The following TACC2 variants were observed in gnomAD, a reference collection of about 807,000 sequenced individuals.
The protein encoded by TACC2 is transforming acidic coiled-coil containing protein 2.
TACC2 carries 137 observed loss-of-function variants against 227.3 expected under a neutral mutation model. That is an observed-to-expected ratio of 0.60 (90% confidence interval 0.52 to 0.69). The LOEUF (loss-of-function observed/expected upper bound fraction) is 0.69. Ranked by LOEUF, TACC2 falls within the 30% of genes least tolerant of loss-of-function variation. The pLI, the probability that TACC2 is intolerant of heterozygous loss-of-function variation, is 0.00. For synonymous variants in TACC2, 1,523 were observed against 1,487.5 expected (o/e 1.02, Z -0.55); for missense variants, 3,470 against 3,694.4 (o/e 0.94, Z 1.57).
At chr10:122,122,291 C>T (rs1339358980) in intron 5 of TACC2, among the ~76,000 whole-genome samples, 1 of 152,056 alleles carries the variant, frequency 6.6e-6, no homozygotes, top group Admixed American at 6.6e-5. Context: ...GGAGGCGGAG[C>T]TTGCACTGAG....
intron 1 of TACC2, among the ~76,000 whole-genome samples, chr10:121,994,402 T>C (rs1210682858): frequency 6.6e-6 from 1 of 152,194 alleles, no homozygotes; most frequent in East Asian, 1.9e-4. Flanking sequence ...CCCAAATAAA[T>C]GTGTAGTGAG....
chr10:122,078,754 C>T (rs1591762056), intron 3 of TACC2, among the ~76,000 whole-genome samples: 1 of 152,228 alleles, frequency 6.6e-6, no homozygotes, highest in Admixed American at 6.5e-5. Flanking sequence ...GGCAGATCTG[C>T]TCCTGGTGAG....
intron 20 of TACC2, 119 bp from the exon 21 acceptor site, chr10:122,248,930 TG>T: frequency 6.7e-7 from 1 of 1,495,844 alleles, no homozygotes; most frequent in Non-Finnish European, 9.2e-7. Flanking sequence ...CCATGCAGGC[TG>T]GGGAGGCAGA....
chr10:122,203,013 ATT>A (rs2094929509), intron 8 of TACC2, among the ~76,000 whole-genome samples: 1 of 151,730 alleles, frequency 6.6e-6, no homozygotes, highest in Non-Finnish European at 1.5e-5. Flanking sequence ...AGGCAGAAGA[ATT>A]TTTCTTAGTA....
At chr10:122,161,122 G>C (rs1013915457) in intron 7 of TACC2, among the ~76,000 whole-genome samples, 1 of 152,088 alleles carries the variant, frequency 6.6e-6, no homozygotes, top group Non-Finnish European at 1.5e-5. Context: ...TTTTTGTAGA[G>C]ACAAGGTCTC....
At position 122,211,510 on chromosome 10, in the gene TACC2, T is replaced by A; in HGVS notation, c.7085T>A (p.Leu2362Gln). ...STSKMQESPK[L>Q]PQQSYNFDPD... is the part of the protein sequence containing the mutation. ...TCAAAAATGCAGGAGTCTCCCAAAC[T>A]GCCCCAACAATCATACAACTTTGAC... The change falls in exon 9 of 23, where the codon CTG (leucine) becomes CAG (glutamine). Residue 2362 changes from leucine to glutamine, a missense_variant. Physicochemically the swap from Leu to Gln is moderately radical, Grantham distance 113. Transcript: ENST00000369005. 6.2e-7 allele frequency: 1 copy of A among 1,613,686 alleles called. No homozygotes were observed. Among genetic ancestry groups the A allele is most frequent in the Non-Finnish European group, 8.5e-7 (1 of 1,179,912 alleles).
In TACC2 at chr10:122,210,345, G is replaced by A. The variant is rs763357884; in HGVS notation, c.5972-52G>A. 2.1e-6 allele frequency: 3 copies of A among 1,411,900 alleles called. No homozygotes were observed. The Admixed American group carries it at 5.1e-5, about 24-fold the overall frequency. The allele number at this position is 1,411,900 out of a possible 1,614,324, so 87.5% of individuals were successfully genotyped here. A position where few individuals can be genotyped will look rare whatever the true frequency, so the allele number is the denominator to read the frequency against. On this transcript the variant is annotated intron_variant, in intron 8 of 22. Transcript: ENST00000369005. This position sits in a 1 kb window ranked among gnomAD's most constrained non-coding sequence, Gnocchi z 4.6. The stretch of plus-strand genomic sequence containing the variant: ...GATGTTTTGGTACAAGAGGAGAGGT[G>A]CCCCAATGCGTCCTGTGTCTGTAAT...
At chr10:122,241,719 TAC>T (rs1473098333) in intron 18 of TACC2, 1 of 579,722 alleles carries the variant, frequency 1.7e-6, no homozygotes, top group Non-Finnish European at 3.1e-6. Flanking sequence ...TGCACCACTC[TAC>T]CTGGTTTGAT....
At chr10:122,056,117 G>A (rs374800044) in intron 3 of TACC2, among the ~76,000 whole-genome samples, 1 of 152,236 alleles carries the variant, frequency 6.6e-6, no homozygotes, top group Non-Finnish European at 1.5e-5. Flanking sequence ...TCTAGGCTTC[G>A]CCTCTGGGGA....
intron 5 of TACC2, among the ~76,000 whole-genome samples, chr10:122,105,442 A>C (rs1473451084): frequency 6.6e-6 from 1 of 152,058 alleles, no homozygotes; most frequent in Non-Finnish European, 1.5e-5. Flanking sequence ...GAGCCATTCG[A>C]TGGAATGGAG....
chr10:122,129,897 A>G (rs959404851), intron 5 of TACC2, among the ~76,000 whole-genome samples: 11 of 152,192 alleles, frequency 7.2e-5, no homozygotes, highest in East Asian at 1.9e-4. Flanking sequence ...TGCTAGTCCA[A>G]TCGTATTGAG....
chr10:122,008,264 A>ATTATTATTTTTTTTTT lies in TACC2; in HGVS notation c.-45-13671_-45-13670insATTATTTTTTTTTTTT. Among the ~76,000 whole-genome samples the ATTATTATTTTTTTTTT allele has an allele frequency of 2.6e-3, 348 of 134,622 alleles. 4 individuals are homozygous for ATTATTATTTTTTTTTT. Among genetic ancestry groups the ATTATTATTTTTTTTTT allele is most frequent in the African/African-American group, 9.3e-3 (330 of 35,584 alleles). The allele number at this position is 134,622 out of a possible 152,430, so 88.3% of individuals were successfully genotyped here. A position where few individuals can be genotyped will look rare whatever the true frequency, so the allele number is the denominator to read the frequency against. Reference sequence around the variant, plus strand: ...TCCCTTTGTTATTATTATTATTATTATTTTTTTTTTTTGAGACAGAATTTT... The same window carrying ATTATTATTTTTTTTTT: ...TCCCTTTGTTATTATTATTATTATTATTATTATTTTTTTTTTTTTTTTTTTTTTGAGACAGAATTTT... On this transcript the variant is annotated intron_variant, in intron 1 of 22. Transcript: ENST00000369005.
rs906129359 is a variant in TACC2 at position 122,032,819 on chromosome 10, C to T, written c.33+10805C>T. On this transcript the variant is annotated intron_variant, in intron 2 of 22. Coordinates refer to ENST00000369005, the MANE Select transcript of TACC2 (RefSeq NM_206862.4). ...ACTAAAAATACAAAAATTAGCCGGGCGTGGTGGCATGCACCTGTAATCCCA... is the reference window on the plus strand; with the variant it reads ...ACTAAAAATACAAAAATTAGCCGGGTGTGGTGGCATGCACCTGTAATCCCA... 3.9e-5 allele frequency among the ~76,000 whole-genome samples: 6 copies of T among 152,154 alleles called. No individual in the cohort carries two copies. The South Asian group carries it at 6.2e-4, about 16-fold the overall frequency.
rs1159365671 is a variant in TACC2, at chr10:122,050,578, G to A, written c.146+28G>A. The A allele has an allele frequency of 6.4e-7, 1 of 1,570,266 alleles. No homozygotes were observed. The highest frequency in any genetic ancestry group is 1.7e-5 in the Admixed American group (1 of 59,494). ...AGGAGGCCAGCTCTGGAGGACTGAT[G>A]CAGCCCAAGGACTGCCCCGCTCATT... On this transcript the variant is annotated intron_variant, in intron 3 of 22. Transcript: ENST00000369005. The surrounding 1 kb of genome is among the most constrained non-coding windows in gnomAD (Gnocchi z 4.6).
rs188578486 is a variant in TACC2 at position 122,149,747 on chromosome 10, C to G, written c.5834+6041C>G. On this transcript the variant is annotated intron_variant, in intron 7 of 22. Coordinates refer to ENST00000369005, the MANE Select transcript of TACC2 (RefSeq NM_206862.4). ...GGTGCAGATGAGCCTCTCTGCCTCA[C>G]TAGGGAAAGGGGCTGGGTTGTTGGG... Among the ~76,000 whole-genome samples, 150 of 152,378 alleles carry G rather than the reference C, an allele frequency of 9.8e-4. 1 individual carries two copies. Among genetic ancestry groups the G allele is most frequent in the African/African-American group, 3.4e-3 (143 of 41,600 alleles).
intron 7 of TACC2, among the ~76,000 whole-genome samples, chr10:122,172,752 G>A: frequency 6.6e-6 from 1 of 152,128 alleles, no homozygotes; most frequent in East Asian, 1.9e-4. Flanking sequence ...GGGGGAGTGA[G>A]GAGCATCCCT....
intron 1 of TACC2, among the ~76,000 whole-genome samples, chr10:121,996,813 A>C (rs1398925115): frequency 6.6e-6 from 1 of 152,128 alleles, no homozygotes; most frequent in Non-Finnish European, 1.5e-5. Context: ...AGATTTAAAA[A>C]TGCAGTTGGT....
At chr10:122,116,578 T>C (rs1189859439) in intron 5 of TACC2, among the ~76,000 whole-genome samples, 2 of 152,192 alleles carry the variant, frequency 1.3e-5, no homozygotes, top group Non-Finnish European at 2.9e-5. Context: ...CACCTGGCTC[T>C]CGAAGCTGGG....
intron 2 of TACC2, among the ~76,000 whole-genome samples, chr10:122,028,084 C>CTTTTTTTTTTTTTTTTTTTTTTTTTTTT (rs59135261): frequency 4.4e-5 from 4 of 91,744 alleles, no homozygotes; most frequent in Admixed American, 1.4e-4. Flanking sequence ...TTCTTTCTTT[C>CTTTTTTTTTTTTTTTTTTTTTTTTTTTT]TTTTTTTTTT....
Sources: allele counts gnomAD v4.1 joint callset (sites outside exome capture counted in the v4.1 genomes callset), GRCh38; gene constraint gnomAD v4.1.1; non-coding constraint Gnocchi (gnomAD v3.1); transcripts MANE v1.5; gene names NCBI Gene and HGNC (gene_info 2026-07-23, HGNC 2026-07-21).